MTBP: variants seen among roughly 807,000 people sequenced by gnomAD.
The protein encoded by MTBP is mdm2-binding protein.
MTBP carries 101 observed loss-of-function variants against 117.0 expected under a neutral mutation model. The ratio of observed to expected loss-of-function variants is 0.86; its 90% CI spans 0.73 to 1.02. The LOEUF (loss-of-function observed/expected upper bound fraction) is 1.02. Ranked by LOEUF, MTBP falls within the 50% of genes least tolerant of loss-of-function variation. The pLI is 0.00. For synonymous variants in MTBP, 350 were observed against 351.5 expected (o/e 1.00, Z 0.05); for missense variants, 970 against 1,030.9 (o/e 0.94, Z 0.81).
intron 20 of MTBP, among the ~76,000 whole-genome samples, chr8:120,519,803 T>TGTA (rs1177533194): frequency 3.3e-5 from 5 of 152,114 alleles, no homozygotes; most frequent in African/African-American, 4.8e-5. Flanking sequence ...CGAGGGTCCA[T>TGTA]GTAGAAAGCA....
At chr8:120,446,937 T>G (rs1051547731) in intron 2 of MTBP, among the ~76,000 whole-genome samples, 8 of 152,218 alleles carry the variant, frequency 5.3e-5, no homozygotes, top group African/African-American at 1.9e-4. Flanking sequence ...ACTTAATAAT[T>G]ACTAAACACG....
chr8:120,493,648 G>A (rs1166764883), intron 13 of MTBP, among the ~76,000 whole-genome samples: 3 of 151,820 alleles, frequency 2.0e-5, no homozygotes, highest in Non-Finnish European at 4.4e-5. Flanking sequence ...GTACCACCAC[G>A]CCAGGCTAAT....
rs745561860 is a variant in MTBP, at chr8:120,517,829, AT to A, written c.2247-15del. ...TTGATTCGCTTAATCTACGTTCTTG[AT>A]TTTTTTCCCCTGCTATATAGACTTG... On this transcript the variant is annotated intron_variant, in intron 18 of 21. Transcript: ENST00000305949. The A allele has an allele frequency of 1.1e-5, 18 of 1,594,828 alleles. No individual in the cohort carries two copies. In the South Asian group the frequency reaches 1.4e-4, roughly 12 times the overall value.
At chr8:120,511,816 A>G (rs1019552174) in intron 17 of MTBP, among the ~76,000 whole-genome samples, 1 of 151,940 alleles carries the variant, frequency 6.6e-6, no homozygotes, top group East Asian at 1.9e-4. Flanking sequence ...GAAAAAAACA[A>G]TATATATATT....
intron 17 of MTBP, 106 bp downstream of exon 17, chr8:120,510,135 G>T: frequency 1.2e-6 from 1 of 806,178 alleles, no homozygotes; most frequent in South Asian, 2.8e-5. Context: ...GAGACCAAGA[G>T]GATATGTCAA....
At chr8:120,448,394 G>GT (rs1813270521) in intron 2 of MTBP, among the ~76,000 whole-genome samples, 1 of 152,116 alleles carries the variant, frequency 6.6e-6, no homozygotes, top group Admixed American at 6.5e-5. Context: ...TGCTTTCAGT[G>GT]TTAGCACTTT....
At chr8:120,492,814 C>T (rs1186464838) in intron 13 of MTBP, among the ~76,000 whole-genome samples, 1 of 151,942 alleles carries the variant, frequency 6.6e-6, no homozygotes. Context: ...AAAATTACAT[C>T]TAATACTATT....
At chr8:120,466,186 AT>A (rs1563789085) in intron 10 of MTBP, among the ~76,000 whole-genome samples, 2 of 149,852 alleles carry the variant, frequency 1.3e-5, no homozygotes, top group Non-Finnish European at 3.0e-5. Flanking sequence ...TTTCTTAAAC[AT>A]TGAGTTATGA....
At chr8:120,470,991 A>T in intron 11 of MTBP, 54 bp downstream of exon 11, 1 of 1,206,206 alleles carries the variant, frequency 8.3e-7, no homozygotes, top group Non-Finnish European at 1.2e-6. Context: ...TAATGTATGT[A>T]TCAAATTTGA....
At chr8:120,498,027 G>A (rs543776722) in intron 14 of MTBP, among the ~76,000 whole-genome samples, 32 of 152,152 alleles carry the variant, frequency 2.1e-4, no homozygotes, top group Non-Finnish European at 3.2e-4. Context: ...TTATTTAGTT[G>A]TATTTCTTTC....
intron 14 of MTBP, among the ~76,000 whole-genome samples, chr8:120,500,100 A>T (rs912655219): frequency 6.6e-6 from 1 of 152,012 alleles, no homozygotes; most frequent in African/African-American, 2.4e-5. Context: ...GTTTGCTGTG[A>T]TTTGTGATTT....
rs1813207527 is a variant in MTBP at position 120,445,612 on chromosome 8, C to G, written c.118+24C>G. On this transcript the variant is annotated intron_variant, in intron 1 of 21. Transcript: ENST00000305949. ...GGGTAAGCGCTGGGATGAGAAAGAGCGGGAACGGCTTGTGGAGAGGGGAAG... is the reference window on the plus strand; with the variant it reads ...GGGTAAGCGCTGGGATGAGAAAGAGGGGGAACGGCTTGTGGAGAGGGGAAG... The G allele has an allele frequency of 1.9e-6, 3 of 1,569,240 alleles. No individual in the cohort carries two copies. In the South Asian group the frequency reaches 3.4e-5, roughly 18 times the overall value.
Position 120,497,519 on chromosome 8 carries a change from A to G in MTBP, c.1574A>G (p.Lys525Arg). 1 of 1,563,516 alleles carries G rather than the reference A, an allele frequency of 6.4e-7. No individual in the cohort carries two copies. The highest frequency in any genetic ancestry group is 8.8e-7 in the Non-Finnish European group (1 of 1,142,170). ...DAVIPKMILR[K>R]MDKIKTFNIL... is the part of the protein sequence containing the mutation. ...GTGATTCCTAAAATGATTCTAAGAAAGATGGACAAAATTAAAACCTTCAAT... is the reference window on the plus strand; with the variant it reads ...GTGATTCCTAAAATGATTCTAAGAAGGATGGACAAAATTAAAACCTTCAAT... The change falls in exon 14 of 22, where the codon AAG becomes AGG. Residue 525 changes from lysine to arginine, a missense_variant. By Grantham distance (26) the Lys-to-Arg change is conservative. Coordinates refer to ENST00000305949, the MANE Select transcript of MTBP (RefSeq NM_022045.5).
chr8:120,514,962 A>C (rs1186002683), intron 17 of MTBP, among the ~76,000 whole-genome samples: 1 of 152,038 alleles, frequency 6.6e-6, no homozygotes, highest in East Asian at 1.9e-4. Context: ...TGACTCCGTA[A>C]GTCTGTATCA....
intron 13 of MTBP, among the ~76,000 whole-genome samples, chr8:120,492,940 C>T (rs2130588158): frequency 6.6e-6 from 1 of 151,998 alleles, no homozygotes; most frequent in South Asian, 2.1e-4. Context: ...ACTGATTTTT[C>T]AAGAAAAGGC....
intron 16 of MTBP, among the ~76,000 whole-genome samples, chr8:120,507,568 A>G (rs916129772): frequency 1.3e-5 from 2 of 151,824 alleles, no homozygotes; most frequent in Non-Finnish European, 2.9e-5. Context: ...AAAATTGTAG[A>G]TCACTTTGAT....
intron 11 of MTBP, among the ~76,000 whole-genome samples, chr8:120,478,144 A>C (rs1192030051): frequency 6.6e-6 from 1 of 152,174 alleles, no homozygotes; most frequent in Non-Finnish European, 1.5e-5. Context: ...TCATCAAACT[A>C]ACACAAGAAC....
At chr8:120,447,012 T>G (rs1813241646) in intron 2 of MTBP, among the ~76,000 whole-genome samples, 1 of 152,178 alleles carries the variant, frequency 6.6e-6, no homozygotes, top group Non-Finnish European at 1.5e-5. Context: ...TGACCAACCG[T>G]ACTTTGTAAA....
intron 18 of MTBP, 35 bp downstream of exon 18, chr8:120,516,226 CAG>C (rs1288619368): frequency 2.0e-6 from 3 of 1,493,924 alleles, no homozygotes; most frequent in East Asian, 2.3e-5. Context: ...AGTATATTGA[CAG>C]AAAGTATTTT....
Sources: gnomAD v4.1 joint callset for allele counts (sites outside exome capture counted in the v4.1 genomes callset) on GRCh38, gnomAD v4.1.1 for gene constraint, MANE v1.5 for transcripts, NCBI Gene and HGNC (gene_info 2026-07-23, HGNC 2026-07-21) for gene names.